UGT1A10: variants seen among roughly 807,000 people sequenced by gnomAD.
UGT1A10 encodes UDP-glucuronosyltransferase 1A10.
A neutral mutation model predicts 45.8 loss-of-function variants in UGT1A10; 49 were observed. The ratio of observed to expected loss-of-function variants is 1.07; its 90% CI spans 0.85 to 1.36. The LOEUF (loss-of-function observed/expected upper bound fraction) is 1.36, where lower values mean the gene tolerates loss of function less well. Among genes scored for constraint, UGT1A10 ranks in the 40% most tolerant of loss-of-function variants. The pLI is 0.00. For synonymous variants in UGT1A10, 284 were observed against 249.7 expected (o/e 1.14, Z -1.29); for missense variants, 745 against 668.6 (o/e 1.11, Z -1.26).
chr2:233,693,864 A>C (rs757830710), intron 1 of UGT1A10: 1 of 1,614,148 alleles, frequency 6.2e-7, no homozygotes, highest in South Asian at 1.1e-5. Flanking sequence ...GACTTGTCTC[A>C]GGTTGGTGGG....
Position 233,693,543 on chromosome 2 carries a change from A to G in UGT1A10, c.855+56166A>G, listed in dbSNP as rs1029144011. 1.9e-6 allele frequency: 3 copies of G among 1,614,186 alleles called. No individual in the cohort carries two copies. The African/African-American group carries it at 4.0e-5, about 22-fold the overall frequency. On this transcript the variant is annotated intron_variant, in intron 1 of 4. Transcript: ENST00000344644. ...AGGGGTTTTCCGTGTTCCCTGGAGC[A>G]TACATTCAGCAGAAGCCCAGACCCT...
rs2073310892 is a variant in UGT1A10, at chr2:233,637,016, C to G, written c.494C>G (p.Ser165Cys). 6.2e-7 allele frequency: 1 copy of G among 1,614,108 alleles called. No individual in the cohort carries two copies. Among genetic ancestry groups the G allele is most frequent in the Non-Finnish European group, 8.5e-7 (1 of 1,179,980 alleles). ...GTTGCTAAATATTTCTCCCTCCCCT[C>G]TGTGGTCTTCACCAGGGGAATATTT... ...LIVAKYFSLPSVVFTRGIFCH... is the reference protein window; with the variant it reads ...LIVAKYFSLPCVVFTRGIFCH... Residue 165 changes from serine (S) to cysteine (C), a missense_variant, in exon 1 of 5, where the codon TCT (serine) becomes TGT (cysteine). Ser to Cys is a moderately radical substitution (Grantham distance 112). Coordinates refer to ENST00000344644, the MANE Select transcript of UGT1A10 (RefSeq NM_019075.4).
chr2:233,728,753 T>G (rs1294725460), intron 1 of UGT1A10, among the ~76,000 whole-genome samples: 2 of 152,174 alleles, frequency 1.3e-5, no homozygotes, highest in Non-Finnish European at 2.9e-5. Context: ...CAATGGTGAC[T>G]CCTCAGACCT....
intron 1 of UGT1A10, among the ~76,000 whole-genome samples, chr2:233,645,289 G>A (rs895267952): frequency 1.3e-5 from 2 of 152,084 alleles, no homozygotes; most frequent in Non-Finnish European, 2.9e-5. Context: ...GGGAATTGTG[G>A]GAGTTACAAT....
chr2:233,673,201 C>T (rs1037495143), intron 1 of UGT1A10, among the ~76,000 whole-genome samples: 2 of 152,086 alleles, frequency 1.3e-5, no homozygotes, highest in South Asian at 2.1e-4. Context: ...ATTCTCACAC[C>T]TATTTTGTTA....
chr2:233,754,791 C>T (rs1377566295), intron 1 of UGT1A10: 10 of 1,204,840 alleles, frequency 8.3e-6, no homozygotes, highest in Non-Finnish European at 1.0e-5. Context: ...GGAACGAAAT[C>T]CTGTATCAAA....
chr2:233,689,198 C>T (rs867212670), intron 1 of UGT1A10, among the ~76,000 whole-genome samples: 2 of 152,196 alleles, frequency 1.3e-5, no homozygotes, highest in Non-Finnish European at 2.9e-5. Flanking sequence ...AACTGTCTGG[C>T]TGGGCAAGCC....
At chr2:233,739,499 A>T (rs927597154) in intron 1 of UGT1A10, among the ~76,000 whole-genome samples, 8 of 152,214 alleles carry the variant, frequency 5.3e-5, no homozygotes, top group African/African-American at 1.4e-4. Context: ...CATCACCTTG[A>T]TCTAGATGTG....
intron 1 of UGT1A10, among the ~76,000 whole-genome samples, chr2:233,696,257 G>A (rs6751673): frequency 0.36 from 54,459 of 152,012 alleles, 10,384 homozygotes; most frequent in African/African-American, 0.49. Flanking sequence ...GCACACATCA[G>A]TGAATGAATG....
chr2:233,729,088 C>A, intron 1 of UGT1A10: 8 of 1,612,432 alleles, frequency 5.0e-6, no homozygotes, highest in Non-Finnish European at 6.8e-6. Flanking sequence ...GCAGGCACAG[C>A]GTGGGGTGGA....
At position 233,689,057 on chromosome 2, in the gene UGT1A10, A is replaced by T. The variant is rs192773385; in HGVS notation, c.855+51680A>T. ...TCCTACTTTATGTCTCTTCTGTATA[A>T]TCCCTTTGTCATGGCTTAACTTAGT... is the stretch of plus-strand genomic sequence containing the variant. On this transcript the variant is annotated intron_variant, in intron 1 of 4. Transcript: ENST00000344644. Among the ~76,000 whole-genome samples, 3 of 152,266 alleles carry T rather than the reference A, an allele frequency of 2.0e-5. No individual in the cohort carries two copies. In the East Asian group the frequency reaches 5.8e-4, roughly 29 times the overall value.
chr2:233,660,137 C>T (rs1163572507), intron 1 of UGT1A10, among the ~76,000 whole-genome samples: 5 of 152,186 alleles, frequency 3.3e-5, no homozygotes, highest in Admixed American at 6.5e-5. Flanking sequence ...TTTTCTGCAG[C>T]GATAATGTAT....
chr2:233,749,284 A>G (rs1432188982), intron 1 of UGT1A10, among the ~76,000 whole-genome samples: 1 of 151,920 alleles, frequency 6.6e-6, no homozygotes, highest in East Asian at 1.9e-4. Flanking sequence ...TATGCAGTGT[A>G]GTTATTCAAT....
chr2:233,686,593 T>G (rs1383954117), intron 1 of UGT1A10, among the ~76,000 whole-genome samples: 1 of 152,128 alleles, frequency 6.6e-6, no homozygotes, highest in East Asian at 1.9e-4. Context: ...ACTGCTGCTT[T>G]CTTTGACTGT....
chr2:233,689,992 C>T (rs1466782471), intron 1 of UGT1A10: 1 of 449,922 alleles, frequency 2.2e-6, no homozygotes, highest in Admixed American at 2.4e-5. Context: ...AAAAGGGATT[C>T]TCACTTCATC....
intron 1 of UGT1A10, chr2:233,719,088 G>A (rs2076724106): frequency 6.2e-7 from 1 of 1,614,250 alleles, no homozygotes; most frequent in South Asian, 1.1e-5. Flanking sequence ...GAAGGAATTT[G>A]ATCGCGTTAC....
intron 1 of UGT1A10, chr2:233,719,510 T>G: frequency 6.2e-7 from 1 of 1,614,000 alleles, no homozygotes. Flanking sequence ...TTTCTGCCCC[T>G]TATGCAAGTC....
At chr2:233,649,140 C>A in intron 1 of UGT1A10, 1 of 641,968 alleles carries the variant, frequency 1.6e-6, no homozygotes, top group Non-Finnish European at 2.2e-6. Flanking sequence ...AATTTCTTTT[C>A]TGTGTAAAAA....
chr2:233,713,751 G>C, intron 1 of UGT1A10: 1 of 1,613,962 alleles, frequency 6.2e-7, no homozygotes, highest in South Asian at 1.1e-5. Flanking sequence ...CCATGCATCT[G>C]TGTGGCTGTT....
Sources: gnomAD v4.1 joint callset for allele counts (sites outside exome capture counted in the v4.1 genomes callset) on GRCh38, gnomAD v4.1.1 for gene constraint, MANE v1.5 for transcripts, NCBI Gene and HGNC (gene_info 2026-07-23, HGNC 2026-07-21) for gene names.